Variants in SLC44A5 observed in about 807,000 individuals in gnomAD.
The protein encoded by SLC44A5 is choline transporter-like protein 5.
In SLC44A5, 57 loss-of-function variants were observed where a neutral mutation model predicts 101.8. That is an observed-to-expected ratio of 0.56 (90% CI 0.45 to 0.70). The LOEUF (loss-of-function observed/expected upper bound fraction) is 0.70, where lower values mean the gene tolerates loss of function less well. SLC44A5 is among the 30% of genes least tolerant of loss of function. The pLI, the probability that SLC44A5 is intolerant of heterozygous loss-of-function variation, is 0.00. For missense variants in SLC44A5, 737 were observed against 853.1 expected, an observed-to-expected ratio of 0.86 and a Z score of 1.70; for synonymous variants, 281 against 290.9, an observed-to-expected ratio of 0.97 and a Z score of 0.35.
the SLC44A5 span, among the ~76,000 whole-genome samples, chr1:75,708,543 A>C: frequency 6.6e-6 from 1 of 151,926 alleles, no homozygotes; most frequent in African/African-American, 2.4e-5. Flanking sequence ...CGGTTATTTC[A>C]CCACTGCTTA....
At chr1:75,592,741 G>A (rs1674421432) in intron 1 of SLC44A5, among the ~76,000 whole-genome samples, 2 of 152,002 alleles carry the variant, frequency 1.3e-5, no homozygotes, top group African/African-American at 4.8e-5. Context: ...ATATATACTG[G>A]GGGAAAGAGA....
At position 75,281,638 on chromosome 1, in the gene SLC44A5, C is replaced by CACA. The variant is rs201035905; in HGVS notation, c.176-6597_176-6596insTGT. Among the ~76,000 whole-genome samples, 2 of 8,314 alleles carry CACA rather than the reference C, an allele frequency of 2.4e-4. 1 individual carries two copies. The highest frequency in any genetic ancestry group is 1.5e-3 in the Non-Finnish European group (2 of 1,372). 5.5% of individuals were successfully genotyped at this position (8,314 alleles called of 152,430 possible). ...ATTGTTTCCTGGGCTGGTGCCAGGC[C>CACA]CCCCCCCCCCCCCGCTGCATTTAGC... On this transcript the variant is annotated intron_variant, in intron 5 of 23. Coordinates refer to ENST00000370859, the MANE Select transcript of SLC44A5 (RefSeq NM_001130058.2).
intron 14 of SLC44A5, among the ~76,000 whole-genome samples, chr1:75,221,000 TCA>T (rs1418471472): frequency 6.6e-6 from 1 of 152,134 alleles, no homozygotes; most frequent in East Asian, 1.9e-4. Flanking sequence ...ACACATATGC[TCA>T]CACAAATGCA....
rs1369452075 is a variant in SLC44A5 at position 75,219,785 on chromosome 1, A to G, written c.1178+15T>C. 1.7e-5 allele frequency: 27 copies of G among 1,584,876 alleles called. No individual in the cohort carries two copies. Among genetic ancestry groups the G allele is most frequent in the Non-Finnish European group, 2.2e-5 (26 of 1,156,632 alleles). The stretch of plus-strand genomic sequence containing the variant: ...GTGAACCTGAGGTTTAAAGAGGCCA[A>G]TTACCAAAGGATACACTGCTGTCAC... On this transcript the variant is annotated intron_variant, in intron 15 of 23. Coordinates refer to ENST00000370859, the MANE Select transcript of SLC44A5 (RefSeq NM_001130058.2).
intron 1 of SLC44A5, chr1:75,582,182 C>T (rs1230709700): frequency 2.3e-5 from 20 of 852,570 alleles, no homozygotes; most frequent in Middle Eastern, 2.4e-4. Context: ...CACAAAGATA[C>T]GAATCTCTTA....
intron 3 of SLC44A5, among the ~76,000 whole-genome samples, chr1:75,378,649 A>G (rs1660772861): frequency 1.2e-5 from 1 of 83,594 alleles, no homozygotes; most frequent in Non-Finnish European, 2.1e-5. Flanking sequence ...ACTATAATCA[A>G]TTACAGGAGG....
At chr1:75,305,654 C>G (rs899861834) in intron 4 of SLC44A5, among the ~76,000 whole-genome samples, 2 of 152,216 alleles carry the variant, frequency 1.3e-5, no homozygotes, top group Non-Finnish European at 2.9e-5. Context: ...CTCATAGCAC[C>G]TCTAGACTCC....
At chr1:75,476,354 C>G (rs2101748902) in intron 2 of SLC44A5, among the ~76,000 whole-genome samples, 1 of 152,288 alleles carries the variant, frequency 6.6e-6, no homozygotes, top group South Asian at 2.1e-4. Flanking sequence ...GCATTTCTAT[C>G]TGAGGTACCG....
At chr1:75,502,953 A>G (rs1669048595) in intron 2 of SLC44A5, among the ~76,000 whole-genome samples, 1 of 151,978 alleles carries the variant, frequency 6.6e-6, no homozygotes, top group Non-Finnish European at 1.5e-5. Flanking sequence ...CATGAGCCTT[A>G]ATTTCCTTAT....
intron 5 of SLC44A5, among the ~76,000 whole-genome samples, chr1:75,293,472 A>G (rs1005326945): frequency 2.0e-4 from 30 of 152,180 alleles, no homozygotes; most frequent in African/African-American, 7.2e-4. Flanking sequence ...TCGAATCATT[A>G]CTTTGTATCC....
intron 2 of SLC44A5, among the ~76,000 whole-genome samples, chr1:75,480,816 T>G (rs1322889868): frequency 6.6e-6 from 1 of 152,160 alleles, no homozygotes; most frequent in Non-Finnish European, 1.5e-5. Flanking sequence ...ATTGTGAAAA[T>G]GGTCATACTG....
chr1:75,647,732 A>G, the SLC44A5 span, among the ~76,000 whole-genome samples: 1 of 152,132 alleles, frequency 6.6e-6, no homozygotes, highest in Non-Finnish European at 1.5e-5. Flanking sequence ...TGGATTGCAG[A>G]CTTGTGTGAG....
rs1416849593 is a variant in SLC44A5 at position 75,325,751 on chromosome 1, C to G, written c.101+13831G>C. Among the ~76,000 whole-genome samples the G allele has an allele frequency of 6.6e-5, 5 of 76,072 alleles. No individual in the cohort carries two copies. In the Admixed American group the frequency reaches 8.3e-4, roughly 13 times the overall value. The allele number at this position is 76,072 out of a possible 152,430, so 49.9% of individuals were successfully genotyped here. ...TCAAGCATCCACTGAGGGTCGTGTG[C>G]ATGCATGCGTGTGTGTGTGTGTGTG... is the stretch of plus-strand genomic sequence containing the variant. On this transcript the variant is annotated intron_variant, in intron 4 of 23. Transcript: ENST00000370859.
intron 2 of SLC44A5, among the ~76,000 whole-genome samples, chr1:75,411,888 A>G (rs1458646324): frequency 6.6e-6 from 1 of 152,164 alleles, no homozygotes; most frequent in Non-Finnish European, 1.5e-5. Flanking sequence ...ATGTGCCAAA[A>G]TACCACTGTT....
chr1:75,353,896 C>T (rs1467138476), intron 3 of SLC44A5: 1 of 203,962 alleles, frequency 4.9e-6, no homozygotes, highest in Non-Finnish European at 1.0e-5. Flanking sequence ...AGGGGTGGCA[C>T]CTCCAGCTTT....
At chr1:75,256,228 A>T (rs1303993360) in intron 6 of SLC44A5, among the ~76,000 whole-genome samples, 1 of 152,182 alleles carries the variant, frequency 6.6e-6, no homozygotes, top group Non-Finnish European at 1.5e-5. Flanking sequence ...GCTATGCAAT[A>T]GGCCTACAAT....
At chr1:75,679,283 G>T in the SLC44A5 span, among the ~76,000 whole-genome samples, 2 of 152,166 alleles carry the variant, frequency 1.3e-5, no homozygotes, top group Non-Finnish European at 2.9e-5. Context: ...TACTCCTCGA[G>T]AAGAGCAACT....
At chr1:75,663,678 G>A in the SLC44A5 span, among the ~76,000 whole-genome samples, 2 of 152,126 alleles carry the variant, frequency 1.3e-5, no homozygotes, top group Admixed American at 1.3e-4. Context: ...AATAGTCCCA[G>A]ACCAGATGGA....
intron 2 of SLC44A5, among the ~76,000 whole-genome samples, chr1:75,467,592 T>G (rs754957790): frequency 2.6e-5 from 4 of 152,174 alleles, no homozygotes; most frequent in Non-Finnish European, 5.9e-5. Context: ...AAAGACAGTC[T>G]CTTCGATAAA....
Sources: gnomAD v4.1 joint callset for allele counts (sites outside exome capture counted in the v4.1 genomes callset) on GRCh38, gnomAD v4.1.1 for gene constraint, MANE v1.5 for transcripts, NCBI Gene and HGNC (gene_info 2026-07-23, HGNC 2026-07-21) for gene names.